Variants in BATF2 observed in about 807,000 individuals in gnomAD.
BATF2 encodes basic leucine zipper transcriptional factor ATF-like 2.
A neutral mutation model predicts 7.3 loss-of-function variants in BATF2; 4 were observed. The ratio of observed to expected loss-of-function variants is 0.55; its 90% confidence interval spans 0.27 to 1.26. BATF2 has a LOEUF of 1.26. Among genes scored for constraint, BATF2 ranks in the 50% most tolerant of loss-of-function variants. The pLI, the probability that BATF2 is intolerant of heterozygous loss-of-function variation, is 0.11. For missense variants in BATF2, 295 were observed against 340.5 expected (o/e 0.87, Z 1.05); for synonymous variants, 152 against 153.9 (o/e 0.99, Z 0.09).
intron 1 of BATF2, among the ~76,000 whole-genome samples, chr11:64,995,158 C>A (rs1946101806): frequency 6.6e-6 from 1 of 152,224 alleles, no homozygotes. Context: ...CCGTGCCCAG[C>A]CGAGCCCCAT....
At position 64,988,889 on chromosome 11, in the gene BATF2, GA is replaced by G. The variant is rs1170240413; in HGVS notation, c.*239del. On this transcript the variant is annotated 3_prime_UTR_variant, in exon 3 of 3. Coordinates refer to ENST00000301887, the MANE Select transcript of BATF2 (RefSeq NM_138456.4). ...TCCCTGAGCCTCAGTTTCCTTGTCT[GA>G]AAAAGTGGAGTGATAATCTCGATTT... 2 of 536,516 alleles carry G rather than the reference GA, an allele frequency of 3.7e-6. No homozygotes were observed. The highest frequency in any genetic ancestry group is 3.3e-6 in the Non-Finnish European group (1 of 298,556). 33.2% of individuals were successfully genotyped at this position (536,516 alleles called of 1,614,324 possible).
intron 2 of BATF2, among the ~76,000 whole-genome samples, chr11:64,993,392 G>A (rs577166957): frequency 3.3e-5 from 5 of 152,138 alleles, no homozygotes; most frequent in Admixed American, 6.6e-5. Context: ...TCCCAAAAAG[G>A]AGAGGAAGGG....
In BATF2 at chr11:64,989,106, C is replaced by T. The variant is rs1190266082; in HGVS notation, c.*23G>A. 6.2e-7 allele frequency: 1 copy of T among 1,613,556 alleles called. No homozygotes were observed. The highest frequency in any genetic ancestry group is 8.5e-7 in the Non-Finnish European group (1 of 1,179,612). On this transcript the variant is annotated 3_prime_UTR_variant, in exon 3 of 3. Transcript: ENST00000301887. The surrounding 1 kb of genome is among the most constrained non-coding windows in gnomAD (Gnocchi z 4.3). Reference sequence around the variant, plus strand: ...CTGCTTCCTGAGCCCAAAGAAGGGGCCAACCCAGCTCCGAAGACCAGGTTA... The same window carrying T: ...CTGCTTCCTGAGCCCAAAGAAGGGGTCAACCCAGCTCCGAAGACCAGGTTA...
intron 2 of BATF2, among the ~76,000 whole-genome samples, chr11:64,990,774 G>A (rs1946069317): frequency 6.6e-6 from 1 of 152,088 alleles, no homozygotes; most frequent in African/African-American, 2.4e-5. Flanking sequence ...GCATAAAAAT[G>A]TGGTTTTGGC....
rs551691301 is a variant in BATF2 at position 64,988,708 on chromosome 11, T to G, written c.*421A>C. 5 of 199,886 alleles carry G rather than the reference T, an allele frequency of 2.5e-5. No individual in the cohort carries two copies. In the South Asian group the frequency reaches 3.8e-4, roughly 15 times the overall value. 12.4% of individuals were successfully genotyped at this position (199,886 alleles called of 1,614,324 possible). Reference sequence around the variant, plus strand: ...AATCACGAAGCAGTGGGGAGAGCCCTTCTCTGCTCTGAGCATGCAAACCTT... The same window carrying G: ...AATCACGAAGCAGTGGGGAGAGCCCGTCTCTGCTCTGAGCATGCAAACCTT... On this transcript the variant is annotated 3_prime_UTR_variant, in exon 3 of 3. Transcript: ENST00000301887.
In BATF2 at chr11:64,988,889, G is replaced by A. The variant is rs1011635585; in HGVS notation, c.*240C>T. ...TCCCTGAGCCTCAGTTTCCTTGTCT[G>A]AAAAAGTGGAGTGATAATCTCGATT... is the stretch of plus-strand genomic sequence containing the variant. On this transcript the variant is annotated 3_prime_UTR_variant, in exon 3 of 3. Coordinates refer to ENST00000301887, the MANE Select transcript of BATF2 (RefSeq NM_138456.4). 7.5e-6 allele frequency: 4 copies of A among 536,398 alleles called. No individual in the cohort carries two copies. Among genetic ancestry groups the A allele is most frequent in the Non-Finnish European group, 1.3e-5 (4 of 298,564 alleles). The allele number at this position is 536,398 out of a possible 1,614,324, so 33.2% of individuals were successfully genotyped here.
In BATF2 at chr11:64,989,398, G is replaced by C; in HGVS notation, c.556C>G (p.Gln186Glu). Residue 186 changes from glutamine (Q) to glutamate (E), a missense_variant, in exon 3 of 3, where the codon CAG becomes GAG. Physicochemically the swap from Gln to Glu is conservative, Grantham distance 29 (BLOSUM62 2). Transcript: ENST00000301887. This position sits in a 1 kb window ranked among gnomAD's most constrained non-coding sequence, Gnocchi z 4.3. ...GCACTGAGCTTAGAGGAAGACCCCT[G>C]CAGGCTGGAACCAGTGTGCGAGGCA... The part of the protein sequence containing the change: ...LFASHTGSSL[Q>E]GSSSKLSALQ... 2 of 1,587,684 alleles carry C rather than the reference G, an allele frequency of 1.3e-6. No individual in the cohort carries two copies. Among genetic ancestry groups the C allele is most frequent in the Non-Finnish European group, 1.7e-6 (2 of 1,166,164 alleles).
rs761411207 is a variant in BATF2, at chr11:64,994,602, C to T, written c.40-53G>A. The stretch of plus-strand genomic sequence containing the variant: ...GGGGCCCAGCCAGGCCTTGTGCCCT[C>T]CGTCCTGGCCCGCCATTTGTAAAGC... On this transcript the variant is annotated intron_variant, in intron 1 of 2. Coordinates refer to ENST00000301887, the MANE Select transcript of BATF2 (RefSeq NM_138456.4). The T allele has an allele frequency of 3.6e-4, 536 of 1,486,498 alleles. 1 individual carries two copies. In the East Asian group the frequency reaches 4.8e-3, roughly 13 times the overall value. The allele number at this position is 1,486,498 out of a possible 1,614,324, so 92.1% of individuals were successfully genotyped here.
In BATF2 at chr11:64,989,315, A is replaced by G; in HGVS notation, c.639T>C (p.His213=). ...TAPPQPLELE[H]PTRGKLGSSP... ...AGGACCCCAGCTTCCCTCTGGTGGGATGCTCCAGCTCGAGGGGCTGTGGAG... is the reference window on the plus strand; with the variant it reads ...AGGACCCCAGCTTCCCTCTGGTGGGGTGCTCCAGCTCGAGGGGCTGTGGAG... Residue 213 remains histidine (H), a synonymous_variant, in exon 3 of 3, where the codon CAT becomes CAC. Coordinates refer to ENST00000301887, the MANE Select transcript of BATF2 (RefSeq NM_138456.4). The surrounding 1 kb of genome is among the most constrained non-coding windows in gnomAD (Gnocchi z 4.3). 6.3e-7 allele frequency: 1 copy of G among 1,581,264 alleles called. No individual in the cohort carries two copies. Among genetic ancestry groups the G allele is most frequent in the Non-Finnish European group, 8.6e-7 (1 of 1,162,982 alleles).
chr11:64,996,522 G>T (rs1946111200), intron 1 of BATF2, among the ~76,000 whole-genome samples: 1 of 152,238 alleles, frequency 6.6e-6, no homozygotes, highest in Admixed American at 6.5e-5. Flanking sequence ...CTCCCAAGGG[G>T]CTGGGATTAC....
In BATF2 at chr11:64,989,898, A is replaced by G; in HGVS notation, c.142-86T>C. Reference sequence around the variant, plus strand: ...GCCTTAGCCCCTTCCAGGGTCCTCAACTTCAGGAGAAAGATGCCACCACCA... The same window carrying G: ...GCCTTAGCCCCTTCCAGGGTCCTCAGCTTCAGGAGAAAGATGCCACCACCA... On this transcript the variant is annotated intron_variant, in intron 2 of 2. Coordinates refer to ENST00000301887, the MANE Select transcript of BATF2 (RefSeq NM_138456.4). The surrounding 1 kb of genome is among the most constrained non-coding windows in gnomAD (Gnocchi z 4.3). 6.7e-7 allele frequency: 1 copy of G among 1,498,174 alleles called. No homozygotes were observed. Among genetic ancestry groups the G allele is most frequent in the South Asian group, 1.2e-5 (1 of 84,066 alleles). The allele number at this position is 1,498,174 out of a possible 1,614,324, so 92.8% of individuals were successfully genotyped here. A position where few individuals can be genotyped will look rare whatever the true frequency, so the allele number is the denominator to read the frequency against.
chr11:64,992,638 A>G lies in BATF2; in HGVS notation c.141+1810T>C, dbSNP rs149776185. Among the ~76,000 whole-genome samples the G allele has an allele frequency of 7.4e-3, 1,122 of 151,846 alleles. 15 individuals carry two copies. The highest frequency in any genetic ancestry group is 0.025 in the African/African-American group (1,045 of 41,446). ...CACTTTGGGAGGCCGAGGTAGGTGG[A>G]TCAATTGAGTCCAGGAGTTCAAGAC... On this transcript the variant is annotated intron_variant, in intron 2 of 2. Coordinates refer to ENST00000301887, the MANE Select transcript of BATF2 (RefSeq NM_138456.4).
Position 64,994,505 on chromosome 11 carries a change from C to G in BATF2, c.84G>C (p.Arg28=). The G allele has an allele frequency of 6.2e-7, 1 of 1,604,580 alleles. No individual in the cohort carries two copies. Among genetic ancestry groups the G allele is most frequent in the Non-Finnish European group, 8.5e-7 (1 of 1,175,614 alleles). ...TCTGCCGGCTTCGCTGGGCGGCTGC[C>G]CGGTTCTTCTGCTTCTTCAGCTGCC... ...QQRQLKKQKN[R]AAAQRSRQKH... The change falls in exon 2 of 3, where the codon CGG becomes CGC. Residue 28 remains arginine, a synonymous_variant. Transcript: ENST00000301887.
At chr11:64,990,399 C>T (rs1271612498) in intron 2 of BATF2, 3 of 1,401,826 alleles carry the variant, frequency 2.1e-6, no homozygotes, top group Admixed American at 5.8e-5. Flanking sequence ...CCCGTGGCAA[C>T]CTTGATGTCA....
intron 2 of BATF2, chr11:64,990,756 G>A: frequency 7.7e-6 from 4 of 518,622 alleles, no homozygotes; most frequent in Non-Finnish European, 9.9e-6. Context: ...AAGTTGCAAA[G>A]GTGTTTTGCA....
chr11:64,989,985 A>ACCCTCTG lies in BATF2; in HGVS notation c.142-174_142-173insCAGAGGG. ...GGCCAGCCCTTCATAACCACCTACC[A>ACCCTCTG]AGTCTCCCCTGTCCCACCCTCTGAA... On this transcript the variant is annotated intron_variant, in intron 2 of 2. Coordinates refer to ENST00000301887, the MANE Select transcript of BATF2 (RefSeq NM_138456.4). This position sits in a 1 kb window ranked among gnomAD's most constrained non-coding sequence, Gnocchi z 4.3. 2.0e-6 allele frequency: 3 copies of ACCCTCTG among 1,502,474 alleles called. No homozygotes were observed. The highest frequency in any genetic ancestry group is 2.7e-6 in the Non-Finnish European group (3 of 1,106,712). 93.1% of individuals were successfully genotyped at this position (1,502,474 alleles called of 1,614,324 possible).
chr11:64,995,576 C>T (rs141219393), intron 1 of BATF2, among the ~76,000 whole-genome samples: 32 of 152,272 alleles, frequency 2.1e-4, no homozygotes, highest in Admixed American at 9.8e-4. Flanking sequence ...AAGGTTGTGA[C>T]CACCTTGTAC....
At position 64,989,385 on chromosome 11, in the gene BATF2, G is replaced by A; in HGVS notation, c.569C>T (p.Ser190Phe). 2 of 1,580,770 alleles carry A rather than the reference G, an allele frequency of 1.3e-6. No individual in the cohort carries two copies. The highest frequency in any genetic ancestry group is 1.3e-5 in the African/African-American group (1 of 74,384). The change falls in exon 3 of 3, where the codon TCT (serine) becomes TTT (phenylalanine). Residue 190 changes from serine to phenylalanine, a missense_variant. Ser to Phe is a radical substitution (Grantham distance 155, BLOSUM62 -2). Transcript: ENST00000301887. This position sits in a 1 kb window ranked among gnomAD's most constrained non-coding sequence, Gnocchi z 4.3. ...GCTGGGCTGGAGGGCACTGAGCTTA[G>A]AGGAAGACCCCTGCAGGCTGGAACC... ...HTGSSLQGSSSKLSALQPSLT... is the reference protein window; with the variant it reads ...HTGSSLQGSSFKLSALQPSLT...
chr11:64,988,777 C>A lies in BATF2; in HGVS notation c.*352G>T. 1 of 288,346 alleles carries A rather than the reference C, an allele frequency of 3.5e-6. No individual in the cohort carries two copies. The highest frequency in any genetic ancestry group is 2.2e-5 in the African/African-American group (1 of 45,638). The allele number at this position is 288,346 out of a possible 1,614,324, so 17.9% of individuals were successfully genotyped here. ...TTCCAGGATTTCAGCCCCTAGGATG[C>A]CTGGGCCAGGACAGGAGAAGGAGGA... is the stretch of plus-strand genomic sequence containing the variant. On this transcript the variant is annotated 3_prime_UTR_variant, in exon 3 of 3. Coordinates refer to ENST00000301887, the MANE Select transcript of BATF2 (RefSeq NM_138456.4).
Sources: gnomAD v4.1 joint callset for allele counts (sites outside exome capture counted in the v4.1 genomes callset) on GRCh38, gnomAD v4.1.1 for gene constraint, Gnocchi (gnomAD v3.1) non-coding constraint, MANE v1.5 for transcripts, NCBI Gene and HGNC (gene_info 2026-07-23, HGNC 2026-07-21) for gene names.